GRM1: variants seen among roughly 807,000 people sequenced by gnomAD.
The protein encoded by GRM1 is metabotropic glutamate receptor 1.
GRM1 carries 33 observed loss-of-function variants against 90.9 expected under a neutral mutation model. That is an observed-to-expected ratio of 0.36 (90% confidence interval 0.28 to 0.49). The LOEUF (loss-of-function observed/expected upper bound fraction) is 0.49, where lower values mean the gene tolerates loss of function less well. Among genes scored for constraint, GRM1 ranks in the 20% least tolerant of loss-of-function variants. The probability of loss-of-function intolerance (pLI) is 0.99; values close to 1 mark genes in which losing one functional copy is unlikely to be tolerated. For missense variants in GRM1, 1,190 were observed against 1,534.3 expected, an observed-to-expected ratio of 0.78 and a Z score of 3.75; for synonymous variants, 700 against 613.2, an observed-to-expected ratio of 1.14 and a Z score of -2.09.
chr6:146,156,289 C>T (rs1215743598), intron 1 of GRM1, among the ~76,000 whole-genome samples: 2 of 152,100 alleles, frequency 1.3e-5, no homozygotes, highest in Admixed American at 1.3e-4. Flanking sequence ...ACCTGTAGTC[C>T]CAGCTGCTCA....
At chr6:146,032,118 G>A (rs974777677) in intron 1 of GRM1, among the ~76,000 whole-genome samples, 2 of 152,060 alleles carry the variant, frequency 1.3e-5, no homozygotes, top group African/African-American at 4.8e-5. Flanking sequence ...CACTAATTTT[G>A]CTGCGAAAGG....
intron 1 of GRM1, among the ~76,000 whole-genome samples, chr6:146,049,109 A>G (rs1791434591): frequency 1.3e-5 from 2 of 151,888 alleles, no homozygotes; most frequent in African/African-American, 4.8e-5. Flanking sequence ...TCGACTATTA[A>G]TTGCTTAACT....
At chr6:146,110,788 T>C (rs1350629200) in intron 1 of GRM1, among the ~76,000 whole-genome samples, 1 of 152,136 alleles carries the variant, frequency 6.6e-6, no homozygotes, top group Non-Finnish European at 1.5e-5. Context: ...TGTTTAGAGA[T>C]AAGGAATCAA....
chr6:146,029,949 C>A lies in GRM1; in HGVS notation c.432C>A (p.Gly144=). The A allele has an allele frequency of 6.2e-7, 1 of 1,614,080 alleles. No homozygotes were observed. The highest frequency in any genetic ancestry group is 8.5e-7 in the Non-Finnish European group (1 of 1,179,960). The part of the protein sequence containing the change: ...KDGINRCLPD[G]QSLPPGRTKK... ...GGATCAACCGGTGTCTGCCTGACGG[C>A]CAGTCCCTCCCCCCAGGCAGGACTA... Residue 144 remains glycine, a synonymous_variant, in exon 1 of 8, where the codon GGC becomes GGA. Transcript: ENST00000282753.
chr6:146,261,719 C>T (rs1167465926), intron 2 of GRM1, among the ~76,000 whole-genome samples: 1 of 151,842 alleles, frequency 6.6e-6, no homozygotes, highest in Non-Finnish European at 1.5e-5. Flanking sequence ...GAATTAAAAA[C>T]CAGTATTGAG....
intron 5 of GRM1, among the ~76,000 whole-genome samples, chr6:146,360,907 G>A (rs1775440211): frequency 6.6e-6 from 1 of 152,202 alleles, no homozygotes; most frequent in Admixed American, 6.5e-5. Flanking sequence ...TATTGAGCAG[G>A]AGATTGCTTC....
intron 2 of GRM1, among the ~76,000 whole-genome samples, chr6:146,286,530 G>A (rs999418426): frequency 2.6e-5 from 4 of 152,174 alleles, no homozygotes; most frequent in Non-Finnish European, 4.4e-5. Context: ...GTAACTGCAA[G>A]TTCTTAAATG....
At chr6:146,280,964 T>A (rs1782545408) in intron 2 of GRM1, among the ~76,000 whole-genome samples, 1 of 152,010 alleles carries the variant, frequency 6.6e-6, no homozygotes, top group Admixed American at 6.6e-5. Flanking sequence ...AATACCAACC[T>A]CACCCATCCT....
At chr6:146,375,108 C>T (rs139651629) in intron 5 of GRM1, among the ~76,000 whole-genome samples, 1 of 151,826 alleles carries the variant, frequency 6.6e-6, no homozygotes, top group African/African-American at 2.4e-5. Context: ...TTTCAATTTC[C>T]TTGTTAATTT....
At chr6:146,348,634 G>A (rs187386244) in intron 3 of GRM1, among the ~76,000 whole-genome samples, 2 of 152,368 alleles carry the variant, frequency 1.3e-5, no homozygotes, top group African/African-American at 2.4e-5. Flanking sequence ...CCAGGAGCAT[G>A]TATCTAGCCT....
In GRM1 at chr6:146,399,751, TTCTCTCTCTCTCTC is replaced by T; in HGVS notation, c.2660+62_2660+75del. ...CTTTTCTCTTCCTTTCTCTGTCTCT[TTCTCTCTCTCTCTC>T]TCTCTCTCTTTCTCTGTCTCTCATA... On this transcript the variant is annotated intron_variant, in intron 7 of 7. Coordinates refer to ENST00000282753, the MANE Select transcript of GRM1 (RefSeq NM_001278064.2). This position sits in a 1 kb window ranked among gnomAD's most constrained non-coding sequence, Gnocchi z 5.4. 2 of 1,062,490 alleles carry T rather than the reference TTCTCTCTCTCTCTC, an allele frequency of 1.9e-6. No homozygotes were observed. Among genetic ancestry groups the T allele is most frequent in the South Asian group, 2.7e-5 (2 of 73,366 alleles). 65.8% of individuals were successfully genotyped at this position (1,062,490 alleles called of 1,614,324 possible). A position where few individuals can be genotyped will look rare whatever the true frequency, so the allele number is the denominator to read the frequency against.
intron 2 of GRM1, among the ~76,000 whole-genome samples, chr6:146,282,048 GA>G (rs947453717): frequency 6.6e-6 from 1 of 152,108 alleles, no homozygotes; most frequent in African/African-American, 2.4e-5. Context: ...TCATAAACAA[GA>G]AATCAAATTT....
chr6:146,434,163 C>T lies in GRM1; in HGVS notation c.2952C>T (p.Ser984=). 1 of 1,613,726 alleles carries T rather than the reference C, an allele frequency of 6.2e-7. No individual in the cohort carries two copies. ...PSMVVHRRVP[S]AATTPPLPSH... is the part of the protein sequence containing the mutation. The stretch of plus-strand genomic sequence containing the variant: ...TGGTGGTGCACAGGCGCGTGCCAAG[C>T]GCGGCGACCACTCCGCCTCTGCCGT... The change falls in exon 8 of 8, where the codon AGC becomes AGT. Residue 984 remains serine, a synonymous_variant. Coordinates refer to ENST00000282753, the MANE Select transcript of GRM1 (RefSeq NM_001278064.2).
chr6:146,395,450 T>C (rs1776892833), intron 6 of GRM1, among the ~76,000 whole-genome samples: 1 of 152,120 alleles, frequency 6.6e-6, no homozygotes, highest in Non-Finnish European at 1.5e-5. Context: ...AAGTGCTTTA[T>C]GCAATGCCTT....
At chr6:146,133,339 T>C (rs1159109433) in intron 1 of GRM1, among the ~76,000 whole-genome samples, 2 of 152,192 alleles carry the variant, frequency 1.3e-5, no homozygotes, top group Non-Finnish European at 2.9e-5. Context: ...AAACTAATGA[T>C]GACTTAATAG....
intron 1 of GRM1, among the ~76,000 whole-genome samples, chr6:146,063,355 T>C (rs1407676450): frequency 2.0e-5 from 3 of 152,224 alleles, no homozygotes; most frequent in African/African-American, 7.2e-5. Flanking sequence ...TGGTAGTTTG[T>C]AGAAATGTTG....
intron 2 of GRM1, among the ~76,000 whole-genome samples, chr6:146,225,032 C>T (rs890339798): frequency 2.0e-5 from 3 of 152,116 alleles, no homozygotes; most frequent in Non-Finnish European, 4.4e-5. Context: ...CCCTGAGCAT[C>T]TGGATACTCT....
At position 146,297,403 on chromosome 6, in the gene GRM1, G is replaced by A. The variant is rs184266554; in HGVS notation, c.951-7208G>A. ...TCTCAATCTCCTGACCTCGTGATCC[G>A]CCTGCCTCGGTCTCCCAAAGTGCTG... On this transcript the variant is annotated intron_variant, in intron 2 of 7. Transcript: ENST00000282753. Among the ~76,000 whole-genome samples, 732 of 152,130 alleles carry A rather than the reference G, an allele frequency of 4.8e-3. 4 individuals carry two copies. Among genetic ancestry groups the A allele is most frequent in the African/African-American group, 0.017 (700 of 41,520 alleles).
chr6:146,278,184 C>T (rs1054934021), intron 2 of GRM1, among the ~76,000 whole-genome samples: 2 of 152,034 alleles, frequency 1.3e-5, no homozygotes, highest in African/African-American at 4.8e-5. Context: ...TTGGAAGACT[C>T]ATTAAAAACC....
Sources: gnomAD v4.1 joint callset for allele counts (sites outside exome capture counted in the v4.1 genomes callset) on GRCh38, gnomAD v4.1.1 for gene constraint, Gnocchi (gnomAD v3.1) non-coding constraint, MANE v1.5 for transcripts, NCBI Gene and HGNC (gene_info 2026-07-23, HGNC 2026-07-21) for gene names.